The following DNAH12 variants were observed in gnomAD, a reference collection of about 807,000 sequenced individuals.
DNAH12 encodes the protein axonemal beta dynein heavy chain 12.
A neutral mutation model predicts 371.5 loss-of-function variants in DNAH12; 285 were observed. The ratio of observed to expected loss-of-function variants is 0.77; its 90% CI spans 0.70 to 0.85. The LOEUF (loss-of-function observed/expected upper bound fraction) is 0.85, where lower values mean the gene tolerates loss of function less well. Among genes scored for constraint, DNAH12 ranks in the 40% least tolerant of loss-of-function variants. DNAH12 has a pLI of 0.00. For synonymous variants in DNAH12, 1,200 were observed against 1,213.0 expected (o/e 0.99, Z 0.22); for missense variants, 3,611 against 3,689.4 (o/e 0.98, Z 0.55).
intron 4 of DNAH12, among the ~76,000 whole-genome samples, chr3:57,515,480 C>A (rs1159219917): frequency 6.6e-6 from 1 of 152,070 alleles, no homozygotes; most frequent in Non-Finnish European, 1.5e-5. Flanking sequence ...CCTTGTGGCG[C>A]ATGCCTGTAA....
At chr3:57,297,981 C>G (rs1429267064) in intron 70 of DNAH12, among the ~76,000 whole-genome samples, 1 of 152,206 alleles carries the variant, frequency 6.6e-6, no homozygotes, top group African/African-American at 2.4e-5. Context: ...CAATCCATCC[C>G]CAATGTATTT....
At chr3:57,476,630 C>T (rs1030655623) in intron 13 of DNAH12, among the ~76,000 whole-genome samples, 2 of 152,132 alleles carry the variant, frequency 1.3e-5, no homozygotes, top group African/African-American at 2.4e-5. Flanking sequence ...TTATGATGGG[C>T]TTCTAGAGCG....
At chr3:57,468,598 C>A (rs1177491563) in intron 17 of DNAH12, 138 bp downstream of exon 17, 1 of 496,120 alleles carries the variant, frequency 2.0e-6, no homozygotes, top group Non-Finnish European at 3.0e-6. Flanking sequence ...TAGAGCAAGA[C>A]CCTGTCTCAA....
At chr3:57,339,322 C>T (rs1188525153) in intron 60 of DNAH12, among the ~76,000 whole-genome samples, 1 of 151,322 alleles carries the variant, frequency 6.6e-6, no homozygotes, top group Non-Finnish European at 1.5e-5. Flanking sequence ...CCACTATTAT[C>T]CTATGACCCT....
intron 4 of DNAH12, among the ~76,000 whole-genome samples, chr3:57,518,998 G>C (rs1345400581): frequency 6.6e-6 from 1 of 152,162 alleles, no homozygotes; most frequent in Non-Finnish European, 1.5e-5. Flanking sequence ...TAGAGAACCA[G>C]ATGAATAAAC....
In DNAH12 at chr3:57,469,486, T is replaced by C. The variant is rs2066304727; in HGVS notation, c.2106-507A>G. Reference sequence around the variant, plus strand: ...CCCAGCAATCCCATTACTGGGTATATACCCAAAGGAAAATAATCATTCTGC... The same window carrying C: ...CCCAGCAATCCCATTACTGGGTATACACCCAAAGGAAAATAATCATTCTGC... On this transcript the variant is annotated intron_variant, in intron 16 of 73. Transcript: ENST00000495027. Among the ~76,000 whole-genome samples the C allele has an allele frequency of 2.0e-5, 3 of 152,196 alleles. No homozygotes were observed. In the South Asian group the frequency reaches 6.2e-4, roughly 31 times the overall value.
intron 29 of DNAH12, among the ~76,000 whole-genome samples, chr3:57,444,389 A>G (rs1354600918): frequency 1.3e-5 from 2 of 151,984 alleles, no homozygotes; most frequent in East Asian, 3.9e-4. Flanking sequence ...ACAGGGTTTC[A>G]CCATATTGGC....
At chr3:57,326,164 A>G (rs2061940131) in intron 62 of DNAH12, among the ~76,000 whole-genome samples, 1 of 152,028 alleles carries the variant, frequency 6.6e-6, no homozygotes, top group Admixed American at 6.6e-5. Flanking sequence ...AACTTCCCCA[A>G]TCTAGCAAGG....
chr3:57,392,557 G>A (rs1030637111), intron 44 of DNAH12, among the ~76,000 whole-genome samples: 16 of 151,934 alleles, frequency 1.1e-4, no homozygotes, highest in African/African-American at 3.4e-4. Flanking sequence ...ACTCCAGCCT[G>A]GGCAACAGAG....
intron 39 of DNAH12, 86 bp from the exon 40 acceptor site, chr3:57,408,621 T>C: frequency 2.9e-6 from 4 of 1,373,064 alleles, no homozygotes; most frequent in Non-Finnish European, 3.8e-6. Context: ...AGAAATTTAA[T>C]CAGATTTTAG....
At chr3:57,456,363 G>A (rs530883981) in intron 22 of DNAH12, among the ~76,000 whole-genome samples, 2 of 152,300 alleles carry the variant, frequency 1.3e-5, no homozygotes, top group Non-Finnish European at 2.9e-5. Flanking sequence ...CACATATAGT[G>A]AGTTGCTGAA....
intron 37 of DNAH12, among the ~76,000 whole-genome samples, chr3:57,418,834 A>T (rs976096251): frequency 2.0e-5 from 3 of 152,198 alleles, no homozygotes; most frequent in Non-Finnish European, 4.4e-5. Context: ...AAGAAAAATA[A>T]CTATTAAATG....
chr3:57,453,147 TA>T (rs1009003428), intron 24 of DNAH12, 99 bp downstream of exon 24: 6 of 1,465,202 alleles, frequency 4.1e-6, no homozygotes, highest in African/African-American at 2.9e-5. Context: ...AAGATTGTGT[TA>T]AAAAAATTCT....
At chr3:57,377,400 T>C (rs925116652) in intron 52 of DNAH12, among the ~76,000 whole-genome samples, 178 bp from the exon 53 acceptor site, 3 of 152,088 alleles carry the variant, frequency 2.0e-5, no homozygotes, top group Non-Finnish European at 2.9e-5. Flanking sequence ...TTTTATAAAA[T>C]AGATAAATCT....
At chr3:57,460,433 T>C (rs903384579) in intron 19 of DNAH12, among the ~76,000 whole-genome samples, 2 of 152,198 alleles carry the variant, frequency 1.3e-5, no homozygotes, top group Non-Finnish European at 1.5e-5. Flanking sequence ...AGACCATTAA[T>C]ATAATATCTC....
At chr3:57,331,741 A>T (rs1434837447) in intron 62 of DNAH12, among the ~76,000 whole-genome samples, 1 of 142,744 alleles carries the variant, frequency 7.0e-6, no homozygotes, top group Non-Finnish European at 1.5e-5. Context: ...TTCTTTCCTC[A>T]AACAAACCTT....
rs1480534860 is a variant in DNAH12, at chr3:57,323,518, G to A, written c.10080C>T (p.Cys3360=). ...ATAGAACAAAAATTAAGGGAATGGT[G>A]CAATTTGAATCCAAGTAACTCTTTG... ...DLTKSYLDSN[C]TIPLIFVLSP... Residue 3360 remains cysteine (C), a synonymous_variant, in exon 63 of 74, where the codon TGC becomes TGT. Transcript: ENST00000495027. 3 of 1,551,096 alleles carry A rather than the reference G, an allele frequency of 1.9e-6. No homozygotes were observed. Among genetic ancestry groups the A allele is most frequent in the African/African-American group, 1.4e-5 (1 of 73,112 alleles).
intron 32 of DNAH12, among the ~76,000 whole-genome samples, chr3:57,432,975 G>A (rs991827819): frequency 6.6e-6 from 1 of 151,822 alleles, no homozygotes; most frequent in African/African-American, 2.4e-5. Context: ...ATCTCATAGC[G>A]CCGAAGGTGA....
intron 35 of DNAH12, among the ~76,000 whole-genome samples, chr3:57,424,326 C>T (rs2064688773): frequency 6.6e-6 from 1 of 150,856 alleles, no homozygotes; most frequent in African/African-American, 2.4e-5. Context: ...AAAAAATTAG[C>T]TCAGTGTGGC....
Sources: gnomAD v4.1 joint callset for allele counts (sites outside exome capture counted in the v4.1 genomes callset) on GRCh38, gnomAD v4.1.1 for gene constraint, MANE v1.5 for transcripts, NCBI Gene and HGNC (gene_info 2026-07-23, HGNC 2026-07-21) for gene names.